CACNA1H: variants seen among roughly 807,000 people sequenced by gnomAD.
The protein encoded by CACNA1H is calcium voltage-gated channel subunit alpha1 H, also known as voltage-dependent T-type calcium channel subunit alpha-1H.
In CACNA1H, 149 loss-of-function variants were observed where a neutral mutation model predicts 192.5. That is an observed-to-expected ratio of 0.77 (90% CI 0.68 to 0.89). The LOEUF (loss-of-function observed/expected upper bound fraction) is 0.89. CACNA1H is among the 40% of genes least tolerant of loss of function. The pLI is 0.00. For synonymous variants in CACNA1H, 2,202 were observed against 1,475.2 expected, an observed-to-expected ratio of 1.49 and a Z score of -11.29; for missense variants, 4,257 against 3,423.5, an observed-to-expected ratio of 1.24 and a Z score of -6.08.
chr16:1,206,839 T>C lies in CACNA1H; in HGVS notation c.2790-162T>C, dbSNP rs115172853. 0.11 allele frequency: 63,306 copies of C among 578,022 alleles called. 4,809 individuals carry two copies. Among genetic ancestry groups the C allele is most frequent in the Non-Finnish European group, 0.14 (44,765 of 317,810 alleles). 35.8% of individuals were successfully genotyped at this position (578,022 alleles called of 1,614,324 possible). A position where few individuals can be genotyped will look rare whatever the true frequency, so the allele number is the denominator to read the frequency against. Reference sequence around the variant, plus strand: ...GTAGGGCAGGAAGTCCCTTTTAAGCTAGAGAGCTCGGGCGCCCAGGGAGGG... The same window carrying C: ...GTAGGGCAGGAAGTCCCTTTTAAGCCAGAGAGCTCGGGCGCCCAGGGAGGG... On this transcript the variant is annotated intron_variant, in intron 12 of 34. Coordinates refer to ENST00000348261, the MANE Select transcript of CACNA1H (RefSeq NM_021098.3).
intron 2 of CACNA1H, among the ~76,000 whole-genome samples, chr16:1,194,682 C>A (rs1966847439): frequency 1.3e-5 from 2 of 152,144 alleles, no homozygotes. Context: ...ATGCGGCCAG[C>A]CCACCGAGGG....
chr16:1,161,649 C>T lies in CACNA1H; in HGVS notation c.299+7613C>T, dbSNP rs114526003. On this transcript the variant is annotated intron_variant, in intron 2 of 34. Coordinates refer to ENST00000348261, the MANE Select transcript of CACNA1H (RefSeq NM_021098.3). The stretch of plus-strand genomic sequence containing the variant: ...CTGTCACACCACTTTGGTCTGTCAT[C>T]TCGGTCACTGATGGAGTGAGGCTCC... 2.7e-3 allele frequency among the ~76,000 whole-genome samples: 409 copies of T among 152,322 alleles called. 4 individuals carry two copies. The highest frequency in any genetic ancestry group is 9.2e-3 in the African/African-American group (384 of 41,582).
intron 2 of CACNA1H, among the ~76,000 whole-genome samples, chr16:1,158,291 C>G (rs377151796): frequency 3.3e-5 from 5 of 152,144 alleles, no homozygotes; most frequent in African/African-American, 1.2e-4. Flanking sequence ...GGCCTTCCCA[C>G]TCACCAAGAG....
intron 34 of CACNA1H, 132 bp downstream of exon 34, chr16:1,219,262 G>T (rs1048664635): frequency 1.3e-5 from 11 of 868,702 alleles, no homozygotes; most frequent in Non-Finnish European, 1.9e-5. Context: ...TTGGGGCTCC[G>T]AAGGTTTCTG....
At chr16:1,200,660 C>T in intron 7 of CACNA1H, 56 bp from the exon 8 acceptor site, 1 of 1,573,936 alleles carries the variant, frequency 6.4e-7, no homozygotes, top group Non-Finnish European at 8.7e-7. Context: ...ACCCCAGGGG[C>T]ACGGGGAGGA....
intron 3 of CACNA1H, 77 bp from the exon 4 acceptor site, chr16:1,195,355 C>T: frequency 4.6e-6 from 7 of 1,522,126 alleles, no homozygotes; most frequent in Non-Finnish European, 5.3e-6. Context: ...GGGGGCCGGG[C>T]TCTTGCGGGG....
At chr16:1,188,626 A>G (rs1444650137) in intron 2 of CACNA1H, among the ~76,000 whole-genome samples, 1 of 152,154 alleles carries the variant, frequency 6.6e-6, no homozygotes, top group Admixed American at 6.5e-5. Flanking sequence ...GCCCGCGCCC[A>G]GGGGCCGGGA....
chr16:1,193,280 A>G (rs1966775806), intron 2 of CACNA1H, among the ~76,000 whole-genome samples: 1 of 152,246 alleles, frequency 6.6e-6, no homozygotes, highest in Non-Finnish European at 1.5e-5. Context: ...TTAGGGGACA[A>G]AGGTGCCCGA....
intron 2 of CACNA1H, among the ~76,000 whole-genome samples, chr16:1,155,545 C>G (rs1315396134): frequency 6.6e-6 from 1 of 152,106 alleles, no homozygotes; most frequent in Non-Finnish European, 1.5e-5. Context: ...CGAGCCAAGG[C>G]CTGCGTTCCT....
chr16:1,164,221 G>A (rs548704715), intron 2 of CACNA1H, among the ~76,000 whole-genome samples: 1 of 152,354 alleles, frequency 6.6e-6, no homozygotes, highest in South Asian at 2.1e-4. Flanking sequence ...AGGGTGAGGG[G>A]TGTCCATGCA....
Position 1,210,502 on chromosome 16 carries a change from G to T in CACNA1H, c.3969+9G>T. ...TTGATCCCGGCAGCACCGTGAGTCA[G>T]CCAACCCCATCGTCCCGGGCCACCA... On this transcript the variant is annotated intron_variant, in intron 19 of 34. Transcript: ENST00000348261. 2 of 1,611,454 alleles carry T rather than the reference G, an allele frequency of 1.2e-6. No individual in the cohort carries two copies.
Position 1,195,956 on chromosome 16 carries a change from C to T in CACNA1H, c.576C>T (p.Asn192=), listed in dbSNP as rs754501360. The change falls in exon 5 of 35, where the codon AAC becomes AAT. Residue 192 remains asparagine (N), a synonymous_variant. Coordinates refer to ENST00000348261, the MANE Select transcript of CACNA1H (RefSeq NM_021098.3). The part of the protein sequence containing the change: ...GMMEYSLDGH[N]VSLSAIRTVR... ...TGGAGTACTCGTTGGACGGACACAA[C>T]GTGAGCCTCTCGGCTATCAGGACCG... 224 of 1,612,976 alleles carry T rather than the reference C, an allele frequency of 1.4e-4. No homozygotes were observed. Among genetic ancestry groups the T allele is most frequent in the Non-Finnish European group, 1.7e-4 (200 of 1,179,800 alleles).
chr16:1,207,600 C>T (rs969202161), intron 14 of CACNA1H, among the ~76,000 whole-genome samples, 170 bp downstream of exon 14: 3 of 152,036 alleles, frequency 2.0e-5, no homozygotes, highest in African/African-American at 7.3e-5. Flanking sequence ...GGGCAGGGGT[C>T]GGTCGGGAGA....
rs1298842647 is a variant in CACNA1H at position 1,172,680 on chromosome 16, G to A, written c.299+18644G>A. Among the ~76,000 whole-genome samples, 4 of 152,320 alleles carry A rather than the reference G, an allele frequency of 2.6e-5. No homozygotes were observed. In the South Asian group the frequency reaches 6.2e-4, roughly 24 times the overall value. ...ATAACCGGCTTCCTGTAGCCACAGG[G>A]GCAGAGCCACCCGCATGGGTGTGGG... On this transcript the variant is annotated intron_variant, in intron 2 of 34. Transcript: ENST00000348261.
At chr16:1,218,767 C>T (rs1368977843) in intron 33 of CACNA1H, 116 bp downstream of exon 33, 59 of 1,175,624 alleles carry the variant, frequency 5.0e-5, no homozygotes, top group Non-Finnish European at 4.0e-5. Context: ...GAAGGATGGG[C>T]GGGAAGGAGG....
intron 17 of CACNA1H, among the ~76,000 whole-genome samples, 165 bp from the exon 18 acceptor site, chr16:1,209,870 C>T (rs1356841676): frequency 6.6e-6 from 1 of 152,194 alleles, no homozygotes; most frequent in Non-Finnish European, 1.5e-5. Flanking sequence ...ACGGTATGGG[C>T]CCCAGAGGCC....
At chr16:1,209,705 G>A (rs1288396828) in intron 17 of CACNA1H, among the ~76,000 whole-genome samples, 2 of 152,194 alleles carry the variant, frequency 1.3e-5, no homozygotes, top group African/African-American at 4.8e-5. Context: ...GAGAGCTGCT[G>A]CCGAGGCAGG....
At chr16:1,219,565 C>T (rs767435201) in intron 34 of CACNA1H, among the ~76,000 whole-genome samples, 4 of 152,216 alleles carry the variant, frequency 2.6e-5, no homozygotes, top group Non-Finnish European at 4.4e-5. Flanking sequence ...CAGCCTTGCC[C>T]ACCTGCAGCC....
chr16:1,190,221 T>C (rs1166317026), intron 2 of CACNA1H, among the ~76,000 whole-genome samples: 1 of 152,252 alleles, frequency 6.6e-6, no homozygotes, highest in Non-Finnish European at 1.5e-5. Context: ...TGTTCCCGGC[T>C]ACGTTGGCCT....
Sources: allele counts gnomAD v4.1 joint callset (sites outside exome capture counted in the v4.1 genomes callset), GRCh38; gene constraint gnomAD v4.1.1; transcripts MANE v1.5; gene names NCBI Gene and HGNC (gene_info 2026-07-23, HGNC 2026-07-21).